ADAMTS17: variants seen among roughly 807,000 people sequenced by gnomAD.
ADAMTS17 encodes A disintegrin and metalloproteinase with thrombospondin motifs 17.
ADAMTS17 carries 113 observed loss-of-function variants against 141.5 expected under a neutral mutation model. That is an observed-to-expected ratio of 0.80 (90% confidence interval 0.69 to 0.93). The LOEUF is 0.93. Ranked by LOEUF, ADAMTS17 falls within the 40% of genes least tolerant of loss-of-function variation. ADAMTS17 has a pLI of 0.00. For missense variants in ADAMTS17, 1,659 were observed against 1,517.9 expected, an observed-to-expected ratio of 1.09 and a Z score of -1.54; for synonymous variants, 768 against 630.6, an observed-to-expected ratio of 1.22 and a Z score of -3.27.
chr15:100,109,223 A>T (rs2036593042), intron 13 of ADAMTS17, 107 bp from the exon 14 acceptor site: 2 of 1,347,178 alleles, frequency 1.5e-6, no homozygotes, highest in Non-Finnish European at 2.0e-6. Context: ...AGAGGTCCGC[A>T]CAGGTCAGTA....
At position 99,984,325 on chromosome 15, in the gene ADAMTS17, C is replaced by T. The variant is rs568923116; in HGVS notation, c.2950-8103G>A. Among the ~76,000 whole-genome samples, 5 of 152,308 alleles carry T rather than the reference C, an allele frequency of 3.3e-5. No individual in the cohort carries two copies. The South Asian group carries it at 8.3e-4, about 25-fold the overall frequency. On this transcript the variant is annotated intron_variant, in intron 20 of 21. Coordinates refer to ENST00000268070, the MANE Select transcript of ADAMTS17 (RefSeq NM_139057.4). Reference sequence around the variant, plus strand: ...GAGCTGTTCCCTGTGGGTAACTTTGCTTCCCACCATCCACTGCAAAAGCTG... The same window carrying T: ...GAGCTGTTCCCTGTGGGTAACTTTGTTTCCCACCATCCACTGCAAAAGCTG...
At chr15:100,196,424 A>G (rs1476770025) in intron 8 of ADAMTS17, among the ~76,000 whole-genome samples, 1 of 152,262 alleles carries the variant, frequency 6.6e-6, no homozygotes, top group African/African-American at 2.4e-5. Context: ...CAGCTCACAC[A>G]GAAGTGGAAT....
At position 99,977,570 on chromosome 15, in the gene ADAMTS17, C is replaced by T. The variant is rs182856717; in HGVS notation, c.2950-1348G>A. Among the ~76,000 whole-genome samples the T allele has an allele frequency of 6.3e-3, 955 of 150,692 alleles. 35 individuals are homozygous for T. Among genetic ancestry groups the T allele is most frequent in the Admixed American group, 0.054 (810 of 15,106 alleles). ...CTGGGATTATAGGCACCTGCCACCA[C>T]ATCTGGCTAATTTTTTTGTATTTTT... On this transcript the variant is annotated intron_variant, in intron 20 of 21. Coordinates refer to ENST00000268070, the MANE Select transcript of ADAMTS17 (RefSeq NM_139057.4).
intron 3 of ADAMTS17, among the ~76,000 whole-genome samples, chr15:100,326,813 G>T (rs7182739): frequency 2.0e-5 from 3 of 152,062 alleles, no homozygotes; most frequent in African/African-American, 7.3e-5. Context: ...TTAAAAAGAA[G>T]GGTTGACCTC....
At chr15:100,103,782 G>C (rs1202956426) in intron 14 of ADAMTS17, among the ~76,000 whole-genome samples, 1 of 152,032 alleles carries the variant, frequency 6.6e-6, no homozygotes, top group Non-Finnish European at 1.5e-5. Flanking sequence ...CACCATATCG[G>C]CCAGGCTGGT....
intron 8 of ADAMTS17, among the ~76,000 whole-genome samples, chr15:100,184,784 C>T (rs182408036): frequency 2.0e-5 from 3 of 152,152 alleles, no homozygotes; most frequent in South Asian, 2.1e-4. Context: ...TCAGACTTCC[C>T]GTAGCCCCCT....
intron 7 of ADAMTS17, among the ~76,000 whole-genome samples, chr15:100,238,647 C>T (rs1348552904): frequency 1.3e-5 from 2 of 152,214 alleles, no homozygotes; most frequent in Admixed American, 1.3e-4. Context: ...CAGAGTTAAG[C>T]CCTCAGGCTT....
intron 3 of ADAMTS17, among the ~76,000 whole-genome samples, chr15:100,290,708 T>TA (rs1318020064): frequency 2.6e-5 from 4 of 152,138 alleles, no homozygotes; most frequent in African/African-American, 4.8e-5. Flanking sequence ...GCTGCACACC[T>TA]ACAACTACCT....
intron 7 of ADAMTS17, among the ~76,000 whole-genome samples, chr15:100,214,227 C>A (rs2141736586): frequency 6.6e-6 from 1 of 152,236 alleles, no homozygotes; most frequent in Non-Finnish European, 1.5e-5. Context: ...AACTTAGAAC[C>A]CATTTCTCAC....
At chr15:100,330,525 G>C (rs116550908) in intron 3 of ADAMTS17, among the ~76,000 whole-genome samples, 1,840 of 152,286 alleles carry the variant, frequency 0.012, 46 homozygotes, top group African/African-American at 0.041. Flanking sequence ...ACTGCGGCCA[G>C]AACTCGGGAG....
rs1596120180 is a variant in ADAMTS17, at chr15:99,972,981, T to C, written c.*1421A>G. On this transcript the variant is annotated 3_prime_UTR_variant, in exon 22 of 22. Transcript: ENST00000268070. ...CTGAAATCAGGGAGGAGGTGTTATT[T>C]ACGGTAAAGTCCTAGAACATAAGCA... 6.6e-6 allele frequency: 1 copy of C among 152,184 alleles called. No individual in the cohort carries two copies. Among genetic ancestry groups the C allele is most frequent in the Non-Finnish European group, 1.5e-5 (1 of 68,034 alleles). The allele number at this position is 152,184 out of a possible 1,614,324, so 9.4% of individuals were successfully genotyped here. A position where few individuals can be genotyped will look rare whatever the true frequency, so the allele number is the denominator to read the frequency against.
chr15:100,022,199 C>A (rs1197475402), intron 18 of ADAMTS17, among the ~76,000 whole-genome samples: 1 of 152,168 alleles, frequency 6.6e-6, no homozygotes, highest in East Asian at 1.9e-4. Flanking sequence ...TGTTATCACC[C>A]AGTGTCCCCT....
intron 7 of ADAMTS17, among the ~76,000 whole-genome samples, chr15:100,244,726 C>T (rs140212022): frequency 2.0e-5 from 3 of 152,164 alleles, no homozygotes; most frequent in East Asian, 3.9e-4. Flanking sequence ...GCGATTTCCT[C>T]GGCTTGTTCC....
Position 100,077,461 on chromosome 15 carries a change from CAAA to C in ADAMTS17, c.2137+18892_2137+18894del, listed in dbSNP as rs61464362. Among the ~76,000 whole-genome samples the C allele has an allele frequency of 2.3e-3, 322 of 139,316 alleles. 1 individual carries two copies. The highest frequency in any genetic ancestry group is 7.1e-3 in the Middle Eastern group (2 of 280). The allele number at this position is 139,316 out of a possible 152,430, so 91.4% of individuals were successfully genotyped here. ...TGGGCAACAGAGTGAGACTCCCTCT[CAAA>C]AAAAAAAAAAAAATCAATCAATATA... On this transcript the variant is annotated intron_variant, in intron 15 of 21. Coordinates refer to ENST00000268070, the MANE Select transcript of ADAMTS17 (RefSeq NM_139057.4).
chr15:100,159,170 C>T (rs1479209977), intron 8 of ADAMTS17, among the ~76,000 whole-genome samples: 3 of 152,176 alleles, frequency 2.0e-5, no homozygotes, highest in Non-Finnish European at 4.4e-5. Context: ...ACATCACTCC[C>T]ACGTTCAGTT....
At chr15:99,982,019 A>G (rs1340476143) in intron 20 of ADAMTS17, among the ~76,000 whole-genome samples, 1 of 152,224 alleles carries the variant, frequency 6.6e-6, no homozygotes, top group East Asian at 1.9e-4. Context: ...GTCCCCACTT[A>G]CTAGCTGTGT....
chr15:100,340,877 G>T, intron 2 of ADAMTS17, 162 bp downstream of exon 2: 1 of 1,148,470 alleles, frequency 8.7e-7, no homozygotes, highest in Non-Finnish European at 1.2e-6. Flanking sequence ...GGGTACCGAA[G>T]GCCGGGGTGG....
intron 20 of ADAMTS17, among the ~76,000 whole-genome samples, chr15:99,981,028 A>T (rs1338377921): frequency 6.6e-6 from 1 of 152,174 alleles, no homozygotes; most frequent in Non-Finnish European, 1.5e-5. Flanking sequence ...CCGGCCACTG[A>T]GGTTGGCACG....
chr15:100,321,652 C>A (rs1454865265), intron 3 of ADAMTS17, among the ~76,000 whole-genome samples: 1 of 152,190 alleles, frequency 6.6e-6, no homozygotes, highest in Admixed American at 6.5e-5. Flanking sequence ...ACCAGCCGTA[C>A]AGCTCATACA....
Sources: gnomAD v4.1 joint callset for allele counts (sites outside exome capture counted in the v4.1 genomes callset) on GRCh38, gnomAD v4.1.1 for gene constraint, MANE v1.5 for transcripts, NCBI Gene and HGNC (gene_info 2026-07-23, HGNC 2026-07-21) for gene names.